PACRG: variants seen among roughly 807,000 people sequenced by gnomAD.
PACRG encodes parkin coregulated.
Under a neutral mutation model 29.7 loss-of-function variants are expected in PACRG, and 29 were observed. That is an observed-to-expected ratio of 0.98 (90% CI 0.73 to 1.33). The LOEUF (loss-of-function observed/expected upper bound fraction) is 1.33, where lower values mean the gene tolerates loss of function less well. PACRG is among the 40% of genes most tolerant of loss of function. PACRG has a pLI of 0.00. For missense variants in PACRG, 279 were observed against 316.2 expected (o/e 0.88, Z 0.89); for synonymous variants, 116 against 118.7 (o/e 0.98, Z 0.15).
intron 1 of PACRG, among the ~76,000 whole-genome samples, chr6:162,776,467 A>G (rs1562585601): frequency 1.3e-5 from 2 of 152,276 alleles, no homozygotes; most frequent in Admixed American, 1.3e-4. Context: ...TGTGCTCCTC[A>G]AAGCAGGGAG....
intron 4 of PACRG, among the ~76,000 whole-genome samples, chr6:163,198,042 C>G (rs1387928950): frequency 6.6e-6 from 1 of 152,148 alleles, no homozygotes; most frequent in Non-Finnish European, 1.5e-5. Flanking sequence ...TCTGTGAGCC[C>G]CAGGTCCCCG....
At chr6:162,765,875 G>A (rs898141931) in intron 1 of PACRG, among the ~76,000 whole-genome samples, 6 of 152,108 alleles carry the variant, frequency 3.9e-5, no homozygotes, top group Admixed American at 3.9e-4. Flanking sequence ...TTCTTTAAAT[G>A]CTATGGGAGT....
chr6:162,828,034 A>G (rs1788433499), intron 2 of PACRG, among the ~76,000 whole-genome samples: 1 of 152,262 alleles, frequency 6.6e-6, no homozygotes, highest in South Asian at 2.1e-4. Flanking sequence ...AGCCCCTGAT[A>G]CAACATGAGT....
intron 4 of PACRG, among the ~76,000 whole-genome samples, chr6:163,093,602 C>T (rs560931539): frequency 6.6e-6 from 1 of 152,304 alleles, no homozygotes; most frequent in Non-Finnish European, 1.5e-5. Flanking sequence ...TCCGACAGGC[C>T]TGTTTACCAT....
At chr6:162,871,873 T>C (rs1002446063) in intron 2 of PACRG, among the ~76,000 whole-genome samples, 1 of 151,528 alleles carries the variant, frequency 6.6e-6, no homozygotes, top group Non-Finnish European at 1.5e-5. Context: ...AGCTGAGATG[T>C]GCCACTGCAC....
At chr6:162,950,958 A>C (rs781017396) in intron 2 of PACRG, among the ~76,000 whole-genome samples, 2 of 152,228 alleles carry the variant, frequency 1.3e-5, no homozygotes, top group Non-Finnish European at 2.9e-5. Context: ...TAATATAAAA[A>C]ATTTAAAACA....
intron 4 of PACRG, among the ~76,000 whole-genome samples, chr6:163,228,155 T>C (rs989698626): frequency 6.6e-6 from 1 of 152,116 alleles, no homozygotes; most frequent in East Asian, 1.9e-4. Flanking sequence ...ATTATTTTTT[T>C]TTCAATCTAC....
chr6:163,236,505 A>G (rs1585358503), intron 4 of PACRG, among the ~76,000 whole-genome samples: 1 of 152,222 alleles, frequency 6.6e-6, no homozygotes, highest in East Asian at 1.9e-4. Flanking sequence ...TTAGTCTCAC[A>G]CAAGTGCAGA....
At chr6:162,889,945 G>A (rs1225570101) in intron 2 of PACRG, among the ~76,000 whole-genome samples, 2 of 152,238 alleles carry the variant, frequency 1.3e-5, no homozygotes, top group African/African-American at 4.8e-5. Flanking sequence ...TGAGTCAACA[G>A]ACATTGTAAT....
intron 2 of PACRG, among the ~76,000 whole-genome samples, chr6:162,856,366 G>A (rs948303557): frequency 1.3e-5 from 2 of 152,110 alleles, no homozygotes; most frequent in African/African-American, 4.8e-5. Flanking sequence ...GCCTAAAACT[G>A]CATTGTGCAT....
intron 2 of PACRG, among the ~76,000 whole-genome samples, chr6:162,989,281 C>A (rs1803196982): frequency 6.6e-6 from 1 of 152,166 alleles, no homozygotes; most frequent in South Asian, 2.1e-4. Context: ...GAAGAGGAAA[C>A]TTCCTAAGTT....
intron 2 of PACRG, among the ~76,000 whole-genome samples, chr6:162,960,553 T>C (rs1416024569): frequency 6.6e-6 from 1 of 152,048 alleles, no homozygotes; most frequent in Non-Finnish European, 1.5e-5. Context: ...GAGCTAAACA[T>C]TGAGCACATA....
At chr6:162,868,962 G>A (rs1792562658) in intron 2 of PACRG, among the ~76,000 whole-genome samples, 3 of 152,174 alleles carry the variant, frequency 2.0e-5, no homozygotes, top group African/African-American at 4.8e-5. Flanking sequence ...AGACTGGTAG[G>A]TACCGTTAAT....
chr6:163,134,413 G>T (rs535261107), intron 4 of PACRG, among the ~76,000 whole-genome samples: 4 of 152,134 alleles, frequency 2.6e-5, no homozygotes, highest in Non-Finnish European at 5.9e-5. Flanking sequence ...TCCAATGGGC[G>T]TTGAAGAGAC....
At chr6:162,912,550 C>T (rs1395003184) in intron 2 of PACRG, among the ~76,000 whole-genome samples, 2 of 151,448 alleles carry the variant, frequency 1.3e-5, no homozygotes, top group East Asian at 1.9e-4. Flanking sequence ...AAATGTTAAA[C>T]ACATAAGTCA....
intron 2 of PACRG, among the ~76,000 whole-genome samples, chr6:162,815,743 T>G (rs1422461026): frequency 1.3e-5 from 2 of 152,132 alleles, no homozygotes; most frequent in African/African-American, 4.8e-5. Context: ...GATTTTTGGA[T>G]TCATATATTT....
chr6:163,182,425 A>G (rs1779715041), intron 4 of PACRG, among the ~76,000 whole-genome samples: 1 of 152,228 alleles, frequency 6.6e-6, no homozygotes, highest in Admixed American at 6.5e-5. Context: ...CAAACAAGAT[A>G]TAGATGAGAC....
intron 2 of PACRG, among the ~76,000 whole-genome samples, chr6:162,844,678 A>G (rs761059443): frequency 6.6e-6 from 1 of 152,226 alleles, no homozygotes; most frequent in Non-Finnish European, 1.5e-5. Context: ...CTTCAATTAC[A>G]TAAGCATTCC....
chr6:163,110,732 G>A (rs1366488890), intron 4 of PACRG, among the ~76,000 whole-genome samples: 1 of 152,204 alleles, frequency 6.6e-6, no homozygotes, highest in Non-Finnish European at 1.5e-5. Flanking sequence ...GCACTTTGAT[G>A]CTCAGCCCCT....
Sources: allele counts gnomAD v4.1 joint callset (sites outside exome capture counted in the v4.1 genomes callset), GRCh38; gene constraint gnomAD v4.1.1; transcripts MANE v1.5; gene names NCBI Gene and HGNC (gene_info 2026-07-23, HGNC 2026-07-21).